Variants in ARNT2 observed in about 807,000 individuals in gnomAD.
The protein encoded by ARNT2 is ARNT protein 2.
In ARNT2, 36 loss-of-function variants were observed where a neutral mutation model predicts 91.7. The ratio of observed to expected loss-of-function variants is 0.39; its 90% CI spans 0.30 to 0.52. ARNT2 has a LOEUF of 0.52. Among genes scored for constraint, ARNT2 ranks in the 20% least tolerant of loss-of-function variants. ARNT2 has a pLI of 0.72. For missense variants in ARNT2, 775 were observed against 939.3 expected (o/e 0.83, Z 2.29); for synonymous variants, 365 against 347.1 (o/e 1.05, Z -0.57).
rs566627231 is a variant in ARNT2, at chr15:80,591,588, G to A, written c.1939G>A (p.Gly647Arg). The A allele has an allele frequency of 2.0e-5, 32 of 1,614,150 alleles. No individual in the cohort carries two copies. The highest frequency in any genetic ancestry group is 4.0e-5 in the African/African-American group (3 of 75,042). ...TTCAGCTGAAAGTGGACAAAGTAGC[G>A]GGCAGTTCCAAGGGCGGCCCTCGGA... Reference protein sequence around the residue: ...PGFAESGQSSGQFQGRPSEVW... With the variant: ...PGFAESGQSSRQFQGRPSEVW... Residue 647 changes from glycine to arginine, a missense_variant, in exon 18 of 19, where the codon GGG (glycine) becomes AGG (arginine). Coordinates refer to ENST00000303329, the MANE Select transcript of ARNT2 (RefSeq NM_014862.4). This position sits in a 1 kb window ranked among gnomAD's most constrained non-coding sequence, Gnocchi z 5.1.
At chr15:80,530,044 C>T (rs1464318662) in intron 8 of ARNT2, among the ~76,000 whole-genome samples, 2 of 152,134 alleles carry the variant, frequency 1.3e-5, no homozygotes, top group Non-Finnish European at 2.9e-5. Context: ...GAAACATTGG[C>T]TCTAATTCCT....
chr15:80,453,588 T>C (rs1472777745), intron 2 of ARNT2, among the ~76,000 whole-genome samples: 1 of 152,230 alleles, frequency 6.6e-6, no homozygotes, highest in Non-Finnish European at 1.5e-5. Flanking sequence ...AACCACAGCC[T>C]AAACACTTAA....
At chr15:80,541,034 A>G (rs1566996750) in intron 8 of ARNT2, among the ~76,000 whole-genome samples, 1 of 152,216 alleles carries the variant, frequency 6.6e-6, no homozygotes, top group Non-Finnish European at 1.5e-5. Flanking sequence ...GTCAAACGGT[A>G]GTTCTAAGTT....
intron 1 of ARNT2, among the ~76,000 whole-genome samples, chr15:80,417,219 T>C (rs1862575983): frequency 6.6e-6 from 1 of 152,240 alleles, no homozygotes; most frequent in Non-Finnish European, 1.5e-5. Context: ...TGAAACACAC[T>C]GCAATTAACA....
At chr15:80,523,904 G>A (rs934766851) in intron 8 of ARNT2, among the ~76,000 whole-genome samples, 5 of 152,166 alleles carry the variant, frequency 3.3e-5, no homozygotes, top group African/African-American at 1.2e-4. Flanking sequence ...AAACTTTGCC[G>A]CATGAGAAAT....
At chr15:80,568,008 C>T (rs913979791) in intron 12 of ARNT2, among the ~76,000 whole-genome samples, 2 of 152,186 alleles carry the variant, frequency 1.3e-5, no homozygotes, top group Non-Finnish European at 2.9e-5. Flanking sequence ...AATTTGCAAG[C>T]TCGGTTGCTT....
intron 8 of ARNT2, among the ~76,000 whole-genome samples, chr15:80,543,717 A>T (rs1212742782): frequency 6.6e-6 from 1 of 152,152 alleles, no homozygotes; most frequent in Non-Finnish European, 1.5e-5. Context: ...CTTGTCTAAT[A>T]TGCAATTAAT....
At chr15:80,490,482 G>A (rs913777904) in intron 5 of ARNT2, among the ~76,000 whole-genome samples, 9 of 152,222 alleles carry the variant, frequency 5.9e-5, no homozygotes, top group Admixed American at 4.6e-4. Context: ...CGGGACATCC[G>A]CAGTGTCTAC....
At chr15:80,484,287 C>T (rs751015102) in intron 5 of ARNT2, among the ~76,000 whole-genome samples, 1 of 151,926 alleles carries the variant, frequency 6.6e-6, no homozygotes, top group Non-Finnish European at 1.5e-5. Context: ...GCAAGAAAAG[C>T]ATGTTTATTT....
At chr15:80,556,992 T>C (rs776075400) in intron 11 of ARNT2, 6 of 152,182 alleles carry the variant, frequency 3.9e-5, no homozygotes, top group Non-Finnish European at 8.8e-5. Context: ...TGAGTTACTT[T>C]TCAAGAGGGA....
chr15:80,486,071 C>T (rs542123823), intron 5 of ARNT2, among the ~76,000 whole-genome samples: 85 of 152,314 alleles, frequency 5.6e-4, no homozygotes, highest in Middle Eastern at 6.8e-3. Context: ...TGTCTCCTAG[C>T]TCTGGTGGTA....
At chr15:80,518,148 A>G (rs1897471995) in intron 8 of ARNT2, among the ~76,000 whole-genome samples, 2 of 151,938 alleles carry the variant, frequency 1.3e-5, no homozygotes, top group South Asian at 4.2e-4. Context: ...TAATGTTCCT[A>G]GGAGTTGGGC....
chr15:80,426,279 C>G (rs940077384), intron 1 of ARNT2, among the ~76,000 whole-genome samples: 1 of 152,158 alleles, frequency 6.6e-6, no homozygotes, highest in African/African-American at 2.4e-5. Context: ...CTTCTGTGAC[C>G]AAAGTAGAAG....
chr15:80,591,657 G>A lies in ARNT2; in HGVS notation c.2008G>A (p.Gly670Ser), dbSNP rs761893964. The A allele has an allele frequency of 2.0e-5, 32 of 1,614,118 alleles. No individual in the cohort carries two copies. The highest frequency in any genetic ancestry group is 3.3e-5 in the South Asian group (3 of 91,082). The change falls in exon 18 of 19, where the codon GGT becomes AGT. Residue 670 changes from glycine to serine, a missense_variant. Gly to Ser is a moderately conservative substitution (Grantham distance 56). Transcript: ENST00000303329. This position sits in a 1 kb window ranked among gnomAD's most constrained non-coding sequence, Gnocchi z 5.1. ...AAGCCAGCACCATGGCCAGCAGAGC[G>A]GTGAGCAGCACTCCCACCAGCAGCC... ...WQSQHHGQQS[G>S]EQHSHQQPGQ...
chr15:80,574,729 A>T (rs1898639172), intron 13 of ARNT2, among the ~76,000 whole-genome samples: 1 of 151,736 alleles, frequency 6.6e-6, no homozygotes, highest in Admixed American at 6.6e-5. Context: ...TTCATTTCTC[A>T]CTCTCTCTAA....
chr15:80,491,056 T>G (rs943208923), intron 5 of ARNT2, among the ~76,000 whole-genome samples: 4 of 152,094 alleles, frequency 2.6e-5, no homozygotes, highest in African/African-American at 9.7e-5. Context: ...ATTAGCAATT[T>G]GTGAGGTGGT....
At chr15:80,513,721 C>CAAA (rs36113299) in intron 6 of ARNT2, among the ~76,000 whole-genome samples, 190 bp from the exon 7 acceptor site, 2,837 of 100,816 alleles carry the variant, frequency 0.028, 126 homozygotes, top group African/African-American at 0.079. Flanking sequence ...TCTTCAGTCA[C>CAAA]AAAAAAAAAA....
Position 80,404,681 on chromosome 15 carries a change from A to ACTACGCGGCAGCCG in ARNT2, c.31+137_31+150dup, listed in dbSNP as rs1475250994. 8.7e-6 allele frequency: 4 copies of ACTACGCGGCAGCCG among 458,534 alleles called. No individual in the cohort carries two copies. Among genetic ancestry groups the ACTACGCGGCAGCCG allele is most frequent in the Non-Finnish European group, 1.2e-5 (4 of 345,762 alleles). The allele number at this position is 458,534 out of a possible 1,614,324, so 28.4% of individuals were successfully genotyped here. On this transcript the variant is annotated intron_variant, in intron 1 of 18. Coordinates refer to ENST00000303329, the MANE Select transcript of ARNT2 (RefSeq NM_014862.4). This position sits in a 1 kb window ranked among gnomAD's most constrained non-coding sequence, Gnocchi z 5.5. ...CGCGGTGGGTGGTGGAGCGGCTGTC[A>ACTACGCGGCAGCCG]CTACGCGGCAGCCGCAGCATCAGCA...
chr15:80,554,426 A>G (rs908898860), intron 10 of ARNT2, among the ~76,000 whole-genome samples: 10 of 152,226 alleles, frequency 6.6e-5, no homozygotes, highest in Non-Finnish European at 1.0e-4. Flanking sequence ...TAAAAAACAT[A>G]AAATAAATTT....
Sources: gnomAD v4.1 joint callset for allele counts (sites outside exome capture counted in the v4.1 genomes callset) on GRCh38, gnomAD v4.1.1 for gene constraint, Gnocchi (gnomAD v3.1) non-coding constraint, MANE v1.5 for transcripts, NCBI Gene and HGNC (gene_info 2026-07-23, HGNC 2026-07-21) for gene names.